Variants in NKAIN3 observed in about 807,000 individuals in gnomAD.
NKAIN3 encodes sodium/potassium-transporting ATPase subunit beta-1-interacting protein 3.
NKAIN3 carries 25 observed loss-of-function variants against 30.2 expected under a neutral mutation model. The observed-to-expected ratio is 0.83, with a 90% CI of 0.60 to 1.16. The LOEUF (loss-of-function observed/expected upper bound fraction) is 1.16. NKAIN3 is among the 50% of genes most tolerant of loss of function. The pLI, the probability that NKAIN3 is intolerant of heterozygous loss-of-function variation, is 0.00. For synonymous variants in NKAIN3, 91 were observed against 89.6 expected (o/e 1.02, Z -0.09); for missense variants, 225 against 254.1 (o/e 0.89, Z 0.78).
At chr8:62,891,151 T>C (rs1434256585) in intron 4 of NKAIN3, among the ~76,000 whole-genome samples, 1 of 152,160 alleles carries the variant, frequency 6.6e-6, no homozygotes, top group Non-Finnish European at 1.5e-5. Context: ...GTCAGTGAAC[T>C]GGGAGAGGCA....
intron 1 of NKAIN3, among the ~76,000 whole-genome samples, chr8:62,546,899 C>T (rs1809032650): frequency 6.6e-6 from 1 of 152,116 alleles, no homozygotes; most frequent in Non-Finnish European, 1.5e-5. Context: ...GGGATTTGTG[C>T]CAAGGTAGCA....
intron 1 of NKAIN3, among the ~76,000 whole-genome samples, chr8:62,279,859 TC>T (rs1813112712): frequency 6.6e-6 from 1 of 152,222 alleles, no homozygotes; most frequent in Admixed American, 6.5e-5. Context: ...CAATGTGGGC[TC>T]TTTTTTGGTT....
At chr8:62,672,849 CT>C (rs945774366) in intron 3 of NKAIN3, among the ~76,000 whole-genome samples, 1 of 152,006 alleles carries the variant, frequency 6.6e-6, no homozygotes, top group African/African-American at 2.4e-5. Context: ...TCAATTTTAT[CT>C]AAAAAAATTG....
chr8:62,447,799 T>C (rs932467334), intron 1 of NKAIN3, among the ~76,000 whole-genome samples: 7 of 152,012 alleles, frequency 4.6e-5, no homozygotes, highest in African/African-American at 1.7e-4. Context: ...TGATTATATC[T>C]ATGTAATTAG....
At chr8:62,392,376 G>A (rs1817607675) in intron 1 of NKAIN3, among the ~76,000 whole-genome samples, 1 of 152,104 alleles carries the variant, frequency 6.6e-6, no homozygotes, top group South Asian at 2.1e-4. Flanking sequence ...GTGGAGTGAA[G>A]CTCACTTTTA....
chr8:62,589,826 A>T lies in NKAIN3; in HGVS notation c.273+32A>T, dbSNP rs187967074. ...TTATCATGCTTTTAAAGTACACTTT[A>T]AAATGAGTACACTTCTAAGTATTGT... On this transcript the variant is annotated intron_variant, in intron 3 of 6. Coordinates refer to ENST00000623646, the MANE Select transcript of NKAIN3 (RefSeq NM_001304533.3). 4.0e-4 allele frequency: 456 copies of T among 1,147,766 alleles called. 3 individuals are homozygous for T. The African/African-American group carries it at 6.3e-3, about 16-fold the overall frequency. The allele number at this position is 1,147,766 out of a possible 1,614,324, so 71.1% of individuals were successfully genotyped here.
intron 1 of NKAIN3, among the ~76,000 whole-genome samples, chr8:62,358,716 G>A (rs999019602): frequency 6.6e-6 from 1 of 152,076 alleles, no homozygotes; most frequent in South Asian, 2.1e-4. Flanking sequence ...AAGACCAATT[G>A]CTTGTGTAAG....
At position 62,262,107 on chromosome 8, in the gene NKAIN3, CT is replaced by C. The variant is rs544585260; in HGVS notation, c.54+12983del. On this transcript the variant is annotated intron_variant, in intron 1 of 6. Coordinates refer to ENST00000623646, the MANE Select transcript of NKAIN3 (RefSeq NM_001304533.3). ...GAGTAATTATTTAAGCAAACAATTT[CT>C]TTACATGAAATGTGATTTTAAAAAT... Among the ~76,000 whole-genome samples, 491 of 152,196 alleles carry C rather than the reference CT, an allele frequency of 3.2e-3. 1 individual carries two copies. The highest frequency in any genetic ancestry group is 0.011 in the African/African-American group (466 of 41,532).
intron 4 of NKAIN3, among the ~76,000 whole-genome samples, chr8:62,799,061 G>A (rs1817967827): frequency 6.6e-6 from 1 of 152,154 alleles, no homozygotes; most frequent in Admixed American, 6.6e-5. Context: ...TGGAATTAGA[G>A]CTGGTTAAAT....
At chr8:62,566,362 C>T (rs1286069507) in intron 1 of NKAIN3, among the ~76,000 whole-genome samples, 4 of 152,016 alleles carry the variant, frequency 2.6e-5, no homozygotes, top group African/African-American at 9.7e-5. Context: ...TCTTCTCCAC[C>T]AGAGTAAGAA....
At chr8:62,273,019 A>G (rs778011947) in intron 1 of NKAIN3, among the ~76,000 whole-genome samples, 22 of 152,138 alleles carry the variant, frequency 1.4e-4, no homozygotes, top group Non-Finnish European at 2.4e-4. Context: ...CAACTACTCA[A>G]TTCCACAGCT....
intron 1 of NKAIN3, among the ~76,000 whole-genome samples, chr8:62,280,991 A>G (rs930420396): frequency 8.5e-5 from 13 of 152,262 alleles, no homozygotes; most frequent in African/African-American, 2.9e-4. Context: ...TCAGCTGTGA[A>G]TCCATCTGGT....
chr8:62,868,166 T>G (rs1189894825), intron 4 of NKAIN3, among the ~76,000 whole-genome samples: 1 of 152,156 alleles, frequency 6.6e-6, no homozygotes, highest in Non-Finnish European at 1.5e-5. Context: ...GAAGCAGATA[T>G]TCTCACCAGA....
chr8:62,263,554 G>A (rs1426472536), intron 1 of NKAIN3, among the ~76,000 whole-genome samples: 1 of 152,154 alleles, frequency 6.6e-6, no homozygotes, highest in Non-Finnish European at 1.5e-5. Flanking sequence ...CCTCATGGAT[G>A]TATGGGTGAA....
intron 1 of NKAIN3, among the ~76,000 whole-genome samples, chr8:62,360,793 T>G (rs377152894): frequency 6.6e-6 from 1 of 152,178 alleles, no homozygotes; most frequent in Non-Finnish European, 1.5e-5. Context: ...GCTTTATGAA[T>G]CTGGGTGCCC....
At chr8:62,724,354 C>A (rs1424207185) in intron 3 of NKAIN3, among the ~76,000 whole-genome samples, 1 of 152,016 alleles carries the variant, frequency 6.6e-6, no homozygotes, top group African/African-American at 2.4e-5. Context: ...AGATATCCAT[C>A]ACCTCAACCA....
intron 4 of NKAIN3, among the ~76,000 whole-genome samples, chr8:62,826,059 A>G (rs1428546251): frequency 6.6e-6 from 1 of 151,984 alleles, no homozygotes; most frequent in African/African-American, 2.4e-5. Context: ...TCCTCCCCTA[A>G]TCATCGAGTC....
Position 62,448,422 on chromosome 8 carries a change from T to C in NKAIN3, c.55-131117T>C, listed in dbSNP as rs780590871. 1.1e-3 allele frequency among the ~76,000 whole-genome samples: 164 copies of C among 150,270 alleles called. 3 individuals carry two copies. The highest frequency in any genetic ancestry group is 0.01 in the Middle Eastern group (3 of 292). The stretch of plus-strand genomic sequence containing the variant: ...CTATGATGGTATTTATTTTTAGATT[T>C]ATAAAGATAATATATAAAAATAATA... On this transcript the variant is annotated intron_variant, in intron 1 of 6. Coordinates refer to ENST00000623646, the MANE Select transcript of NKAIN3 (RefSeq NM_001304533.3).
chr8:62,951,092 G>A (rs1823273779), intron 5 of NKAIN3, among the ~76,000 whole-genome samples: 2 of 151,628 alleles, frequency 1.3e-5, no homozygotes, highest in Admixed American at 1.3e-4. Context: ...TATGCAACCT[G>A]GTCACTGATA....
Sources: allele counts gnomAD v4.1 joint callset (sites outside exome capture counted in the v4.1 genomes callset), GRCh38; gene constraint gnomAD v4.1.1; transcripts MANE v1.5; gene names NCBI Gene and HGNC (gene_info 2026-07-23, HGNC 2026-07-21).